The following LILRB1 variants were observed in gnomAD, a reference collection of about 807,000 sequenced individuals.
The protein encoded by LILRB1 is leukocyte immunoglobulin like receptor B1.
A neutral mutation model predicts 74.6 loss-of-function variants in LILRB1; 59 were observed. That is an observed-to-expected ratio of 0.79 (90% CI 0.64 to 0.98). The LOEUF is 0.98. Among genes scored for constraint, LILRB1 ranks in the 50% least tolerant of loss-of-function variants. The pLI is 0.00. For missense variants in LILRB1, 804 were observed against 822.6 expected, an observed-to-expected ratio of 0.98 and a Z score of 0.28; for synonymous variants, 328 against 333.9, an observed-to-expected ratio of 0.98 and a Z score of 0.19.
At position 54,637,838 on chromosome 19, in the gene LILRB1, C is replaced by T. The variant is rs1480888576; in HGVS notation, c.*960C>T. Among the ~76,000 whole-genome samples the T allele has an allele frequency of 6.6e-6, 1 of 152,116 alleles. No individual in the cohort carries two copies. Among genetic ancestry groups the T allele is most frequent in the Non-Finnish European group, 1.5e-5 (1 of 68,038 alleles). ...TTTCCAAAACTAACAATGGAACAGG[C>T]GGCAAACCTATGCCAATATACTAGA... On this transcript the variant is annotated 3_prime_UTR_variant, in exon 15 of 15. Transcript: ENST00000324602.
chr19:54,627,164 C>T (rs1411147641), upstream of LILRB1, among the ~76,000 whole-genome samples: 2 of 152,178 alleles, frequency 1.3e-5, no homozygotes, highest in Non-Finnish European at 2.9e-5. Context: ...CATGCTTTCA[C>T]CTGCAGGCTG....
At chr19:54,621,493 A>G (rs932826851) in intron 1 of LILRB1, among the ~76,000 whole-genome samples, 10 of 147,086 alleles carry the variant, frequency 6.8e-5, no homozygotes, top group African/African-American at 2.3e-4. Flanking sequence ...ATGTCTGTTG[A>G]TGGTCTTTAC....
chr19:54,625,773 G>A (rs2004801), upstream of LILRB1, among the ~76,000 whole-genome samples: 41,733 of 135,642 alleles, frequency 0.31, 7,388 homozygotes, highest in South Asian at 0.4. Flanking sequence ...CCATGTTAGG[G>A]AATCTCTCAC....
Position 54,630,538 on chromosome 19 carries a change from A to G in LILRB1, c.-144A>G. The stretch of plus-strand genomic sequence containing the variant: ...GCAGCTCAGCCTGGGCGGCACAGCC[A>G]GATGCGAGATGCGTCTCTGCTGATC... On this transcript the variant is annotated 5_prime_UTR_variant, in exon 1 of 15. Coordinates refer to ENST00000324602, the MANE Select transcript of LILRB1 (RefSeq NM_001081637.3). 1.8e-6 allele frequency: 1 copy of G among 549,556 alleles called. No homozygotes were observed. Among genetic ancestry groups the G allele is most frequent in the African/African-American group, 1.9e-5 (1 of 52,750 alleles). The allele number at this position is 549,556 out of a possible 1,614,324, so 34.0% of individuals were successfully genotyped here.
rs1427146428 is a variant in LILRB1, at chr19:54,633,905, G to C, written c.1313-66G>C. On this transcript the variant is annotated intron_variant, in intron 8 of 14. Transcript: ENST00000324602. ...AGAAATGTTGGGGCCCAGCCTGGGG[G>C]AGGAGCAGCCGGGCTGATGTGGGGA... 17 of 1,544,048 alleles carry C rather than the reference G, an allele frequency of 1.1e-5. No individual in the cohort carries two copies. In the East Asian group the frequency reaches 3.8e-4, roughly 35 times the overall value.
chr19:54,636,158 T>G, intron 13 of LILRB1: 1 of 575,174 alleles, frequency 1.7e-6, no homozygotes, highest in Admixed American at 2.3e-5. Flanking sequence ...GGCTGTCTGC[T>G]CAGCTGTCAT....
At position 54,633,696 on chromosome 19, in the gene LILRB1, C is replaced by A. The variant is rs1474722549; in HGVS notation, c.1312+8C>A. The A allele has an allele frequency of 6.2e-7, 1 of 1,613,320 alleles. No homozygotes were observed. The highest frequency in any genetic ancestry group is 1.3e-5 in the African/African-American group (1 of 74,990). On this transcript the variant is annotated splice_region_variant and intron_variant, in intron 8 of 14. Transcript: ENST00000324602. ...GCCCCACCTCCACATCTGGTGAGTCCCTGAGGCTTCTGAACTCAAGGGAGT... is the reference window on the plus strand; with the variant it reads ...GCCCCACCTCCACATCTGGTGAGTCACTGAGGCTTCTGAACTCAAGGGAGT...
intron 13 of LILRB1, chr19:54,635,867 G>A: frequency 3.0e-6 from 2 of 674,872 alleles, no homozygotes; most frequent in Non-Finnish European, 5.6e-6. Context: ...CCAGGCCTCA[G>A]GAGGATGAGG....
intron 1 of LILRB1, among the ~76,000 whole-genome samples, chr19:54,618,110 A>AG (rs2063359080): frequency 6.8e-6 from 1 of 146,476 alleles, no homozygotes; most frequent in Non-Finnish European, 1.5e-5. Context: ...CAAAAAAAAA[A>AG]AAAAAGAAAA....
chr19:54,631,533 C>T lies in LILRB1; in HGVS notation c.104C>T (p.Pro35Leu), dbSNP rs1360242225. ...HLPKPTLWAE[P>L]GSVITQGSPV... is the part of the protein sequence containing the mutation. ...CCCAAGCCCACCCTCTGGGCTGAAC[C>T]AGGCTCTGTGATCACCCAGGGGAGT... The change falls in exon 4 of 15, where the codon CCA becomes CTA. Residue 35 changes from proline to leucine, a missense_variant. Transcript: ENST00000324602. The T allele has an allele frequency of 2.5e-6, 4 of 1,613,918 alleles. No homozygotes were observed. Among genetic ancestry groups the T allele is most frequent in the Non-Finnish European group, 3.4e-6 (4 of 1,179,890 alleles).
intron 7 of LILRB1, 59 bp from the exon 8 acceptor site, chr19:54,633,579 T>C: frequency 1.3e-6 from 2 of 1,526,128 alleles, no homozygotes; most frequent in South Asian, 2.4e-5. Flanking sequence ...AAATTTGGTT[T>C]GAGGTGGAGA....
intron 5 of LILRB1, 49 bp downstream of exon 5, chr19:54,632,286 T>C (rs757611188): frequency 4.4e-5 from 70 of 1,587,008 alleles, no homozygotes; most frequent in Non-Finnish European, 5.3e-5. Context: ...TCCAGGCAGG[T>C]GGGGAGCAGC....
upstream of LILRB1, among the ~76,000 whole-genome samples, chr19:54,628,062 A>C (rs142523628): frequency 1.1e-4 from 17 of 152,324 alleles, no homozygotes; most frequent in East Asian, 3.1e-3. Flanking sequence ...TCCGGTTTCC[A>C]CTGGCTGGAA....
chr19:54,636,383 A>G, intron 13 of LILRB1, 111 bp from the exon 14 acceptor site: 1 of 1,543,264 alleles, frequency 6.5e-7, no homozygotes, highest in Non-Finnish European at 8.7e-7. Context: ...GGCGTCCCTG[A>G]GATTCCATCG....
In LILRB1 at chr19:54,636,886, G is replaced by T. The variant is rs748534366; in HGVS notation, c.*8G>T. On this transcript the variant is annotated 3_prime_UTR_variant, in exon 15 of 15. Coordinates refer to ENST00000324602, the MANE Select transcript of LILRB1 (RefSeq NM_001081637.3). ...ACTCTGGCCATCCACTAGCCCAGGG[G>T]GGGACGCAGACCCCACACTCCATGG... The T allele has an allele frequency of 1.2e-6, 2 of 1,613,588 alleles. No individual in the cohort carries two copies. Among genetic ancestry groups the T allele is most frequent in the Admixed American group, 1.7e-5 (1 of 60,016 alleles).
At chr19:54,632,821 C>T (rs1270248432) in intron 6 of LILRB1, 61 bp downstream of exon 6, 18 of 1,600,164 alleles carry the variant, frequency 1.1e-5, no homozygotes, top group Non-Finnish European at 1.4e-5. Flanking sequence ...GCCGGGGGAG[C>T]TCAGGTAGTG....
chr19:54,633,272 C>T lies in LILRB1; in HGVS notation c.1215C>T (p.Pro405=). 3 of 1,614,170 alleles carry T rather than the reference C, an allele frequency of 1.9e-6. No individual in the cohort carries two copies. The highest frequency in any genetic ancestry group is 1.7e-6 in the Non-Finnish European group (2 of 1,180,010). The part of the protein sequence containing the change: ...YRCYGSQSSK[P]YLLTHPSDPL... ...GCTACGGCTCACAGAGCTCCAAACC[C>T]TACCTGCTGACTCACCCCAGTGACC... is the stretch of plus-strand genomic sequence containing the variant. Residue 405 remains proline (P), a synonymous_variant, in exon 7 of 15, where the codon CCC becomes CCT. Coordinates refer to ENST00000324602, the MANE Select transcript of LILRB1 (RefSeq NM_001081637.3).
rs899699457 is a variant in LILRB1 at position 54,634,219 on chromosome 19, TCCTGGGAGAGGAGG to T, written c.1363+202_1363+215del. 86 of 1,496,232 alleles carry T rather than the reference TCCTGGGAGAGGAGG, an allele frequency of 5.7e-5. No homozygotes were observed. The Admixed American group carries it at 1.7e-3, about 29-fold the overall frequency. The allele number at this position is 1,496,232 out of a possible 1,614,324, so 92.7% of individuals were successfully genotyped here. On this transcript the variant is annotated intron_variant, in intron 9 of 14. Transcript: ENST00000324602. Reference sequence around the variant, plus strand: ...TCAGCTCTGACTCCCAGCTGTGACCTCCTGGGAGAGGAGGCCTCCCAGGGAACCTCCCAGACCCG... The same window carrying T: ...TCAGCTCTGACTCCCAGCTGTGACCTCCTCCCAGGGAACCTCCCAGACCCG...
At chr19:54,630,904 G>T in intron 1 of LILRB1, 122 bp from the exon 2 acceptor site, 1 of 1,228,544 alleles carries the variant, frequency 8.1e-7, no homozygotes. Flanking sequence ...CTAATGGAAT[G>T]AGAGCAAGGG....
Sources: allele counts gnomAD v4.1 joint callset (sites outside exome capture counted in the v4.1 genomes callset), GRCh38; gene constraint gnomAD v4.1.1; transcripts MANE v1.5; gene names NCBI Gene and HGNC (gene_info 2026-07-23, HGNC 2026-07-21).